DAGLB: variants seen among roughly 807,000 people sequenced by gnomAD.
DAGLB encodes the protein diacylglycerol lipase beta.
A neutral mutation model predicts 72.1 loss-of-function variants in DAGLB; 66 were observed. That is an observed-to-expected ratio of 0.92 (90% CI 0.75 to 1.12). DAGLB has a LOEUF of 1.12. Ranked by LOEUF, DAGLB falls within the 50% of genes most tolerant of loss-of-function variation. DAGLB has a pLI of 0.00. For missense variants in DAGLB, 1,065 were observed against 884.9 expected, an observed-to-expected ratio of 1.20 and a Z score of -2.58; for synonymous variants, 414 against 359.5, an observed-to-expected ratio of 1.15 and a Z score of -1.71.
At chr7:6,433,042 G>T in intron 4 of DAGLB, 83 bp from the exon 5 acceptor site, 1 of 1,533,888 alleles carries the variant, frequency 6.5e-7, no homozygotes, top group South Asian at 1.3e-5. Flanking sequence ...TTCTATAGTT[G>T]ATAGGCATTC....
Position 6,445,944 on chromosome 7 carries a change from A to C in DAGLB, c.247+9T>G, listed in dbSNP as rs756126771. 28 of 1,579,336 alleles carry C rather than the reference A, an allele frequency of 1.8e-5. No homozygotes were observed. Among genetic ancestry groups the C allele is most frequent in the Non-Finnish European group, 2.1e-5 (25 of 1,165,796 alleles). ...AAATAGGTATCAAATAGAAAAGGCT[A>C]CTTTTTACCTCTCATGCTGACACAC... On this transcript the variant is annotated intron_variant, in intron 2 of 14. Coordinates refer to ENST00000297056, the MANE Select transcript of DAGLB (RefSeq NM_139179.4).
chr7:6,430,474 A>G lies in DAGLB; in HGVS notation c.929+6T>C. ...GGCTATGGAGGCTCAGACTGTGCCA[A>G]CCCACCAGTCACCACCAATCCTGCA... On this transcript the variant is annotated splice_donor_region_variant and intron_variant, in intron 6 of 14. Coordinates refer to ENST00000297056, the MANE Select transcript of DAGLB (RefSeq NM_139179.4). The G allele has an allele frequency of 2.0e-6, 3 of 1,533,432 alleles. No individual in the cohort carries two copies. Among genetic ancestry groups the G allele is most frequent in the Middle Eastern group, 1.8e-4 (1 of 5,712 alleles). 95.0% of individuals were successfully genotyped at this position (1,533,432 alleles called of 1,614,324 possible).
intron 3 of DAGLB, chr7:6,435,538 C>T (rs1784627710): frequency 6.4e-6 from 1 of 157,216 alleles, no homozygotes; most frequent in African/African-American, 2.4e-5. Context: ...CAGGCCCTGC[C>T]CTAACAGTAA....
chr7:6,410,119 G>A lies in DAGLB; in HGVS notation c.1820+11C>T, dbSNP rs375425034. On this transcript the variant is annotated intron_variant, in intron 14 of 14. Coordinates refer to ENST00000297056, the MANE Select transcript of DAGLB (RefSeq NM_139179.4). ...CCTGCCTGCCCACCACACCCACCAC[G>A]CCGCACTCACCGCCCCGAGGCGCCC... 28 of 1,576,072 alleles carry A rather than the reference G, an allele frequency of 1.8e-5. No homozygotes were observed. Among genetic ancestry groups the A allele is most frequent in the Admixed American group, 8.8e-5 (5 of 57,056 alleles).
At chr7:6,420,834 A>G (rs1186178324) in intron 9 of DAGLB, among the ~76,000 whole-genome samples, 1 of 152,196 alleles carries the variant, frequency 6.6e-6, no homozygotes, top group Non-Finnish European at 1.5e-5. Context: ...CCCATAGCAC[A>G]GTGAGCATGA....
At chr7:6,418,170 A>C (rs1346334376) in intron 9 of DAGLB, among the ~76,000 whole-genome samples, 1 of 152,004 alleles carries the variant, frequency 6.6e-6, no homozygotes, top group Non-Finnish European at 1.5e-5. Flanking sequence ...TGCCCAGCAA[A>C]AATTTAAAAT....
intron 9 of DAGLB, among the ~76,000 whole-genome samples, chr7:6,420,136 G>C (rs530708342): frequency 6.6e-6 from 1 of 152,142 alleles, no homozygotes; most frequent in East Asian, 1.9e-4. Flanking sequence ...GACAGAACAA[G>C]ACCCTGTCTC....
intron 2 of DAGLB, among the ~76,000 whole-genome samples, chr7:6,443,015 T>TC (rs1784879313): frequency 1.6e-5 from 1 of 63,672 alleles, no homozygotes; most frequent in South Asian, 4.6e-4. Flanking sequence ...CTTCTAAAAA[T>TC]ACAAAAAAAA....
intron 3 of DAGLB, among the ~76,000 whole-genome samples, chr7:6,435,692 T>C (rs1784632896): frequency 6.6e-6 from 1 of 152,074 alleles, no homozygotes; most frequent in Admixed American, 6.6e-5. Flanking sequence ...CTCATGAAGG[T>C]ATCACAGAGT....
At chr7:6,429,836 A>C (rs963246826) in intron 6 of DAGLB, among the ~76,000 whole-genome samples, 1 of 151,992 alleles carries the variant, frequency 6.6e-6, no homozygotes, top group Admixed American at 6.6e-5. Flanking sequence ...CGAGGTCAGG[A>C]GATCGAGACC....
At chr7:6,411,293 G>A (rs945730713) in intron 13 of DAGLB, among the ~76,000 whole-genome samples, 1 of 152,030 alleles carries the variant, frequency 6.6e-6, no homozygotes, top group South Asian at 2.1e-4. Flanking sequence ...ACAGGCGTGA[G>A]CCACCGGGCC....
At chr7:6,417,077 C>T (rs539587332) in intron 9 of DAGLB, 156 bp from the exon 10 acceptor site, 1 of 791,480 alleles carries the variant, frequency 1.3e-6, no homozygotes, top group African/African-American at 1.7e-5. Context: ...CATGGCTGTG[C>T]TCCTGGCACC....
intron 8 of DAGLB, among the ~76,000 whole-genome samples, chr7:6,423,811 T>A (rs1206350837): frequency 1.3e-5 from 2 of 152,092 alleles, no homozygotes; most frequent in Non-Finnish European, 2.9e-5. Context: ...ATGGTGTCGA[T>A]CTCTTGACCT....
intron 1 of DAGLB, among the ~76,000 whole-genome samples, chr7:6,447,237 G>T (rs1310580725): frequency 2.6e-5 from 4 of 152,330 alleles, no homozygotes; most frequent in Middle Eastern, 3.4e-3. Flanking sequence ...TCCACACTTT[G>T]AAAGACAACA....
At chr7:6,412,500 G>T in intron 13 of DAGLB, 11 of 339,238 alleles carry the variant, frequency 3.2e-5, no homozygotes, top group South Asian at 5.9e-5. Flanking sequence ...GGGTCTTGTT[G>T]TGTTGCCCAG....
intron 2 of DAGLB, among the ~76,000 whole-genome samples, chr7:6,441,815 G>A (rs1784843251): frequency 6.6e-6 from 1 of 152,100 alleles, no homozygotes; most frequent in Non-Finnish European, 1.5e-5. Context: ...GTTTGGCTGG[G>A]ATATCTCTAC....
chr7:6,432,719 A>T, intron 5 of DAGLB, 118 bp downstream of exon 5: 4 of 855,070 alleles, frequency 4.7e-6, no homozygotes, highest in South Asian at 5.3e-5. Context: ...GAGGGGAGGG[A>T]GGGGAAAGGG....
intron 2 of DAGLB, among the ~76,000 whole-genome samples, chr7:6,440,677 G>T (rs750792932): frequency 2.0e-5 from 3 of 152,072 alleles, no homozygotes; most frequent in Non-Finnish European, 4.4e-5. Flanking sequence ...CGGGAAGTTC[G>T]AGACCAGCCT....
In DAGLB at chr7:6,445,881, G is replaced by A. The variant is rs10237734; in HGVS notation, c.247+72C>T. ...ATTGGAAAGTTTACAGAAGTGAATT[G>A]TATGGTATGTGAATTATATCTCAAT... On this transcript the variant is annotated intron_variant, in intron 2 of 14. Transcript: ENST00000297056. 1.6e-3 allele frequency: 2,401 copies of A among 1,459,412 alleles called. 38 individuals are homozygous for A. The African/African-American group carries it at 0.03, about 18-fold the overall frequency. The allele number at this position is 1,459,412 out of a possible 1,614,324, so 90.4% of individuals were successfully genotyped here.
Sources: allele counts gnomAD v4.1 joint callset (sites outside exome capture counted in the v4.1 genomes callset), GRCh38; gene constraint gnomAD v4.1.1; transcripts MANE v1.5; gene names NCBI Gene and HGNC (gene_info 2026-07-23, HGNC 2026-07-21).